The following NFIB variants were observed in gnomAD, a reference collection of about 807,000 sequenced individuals.
The protein encoded by NFIB is nuclear factor 1 B-type.
NFIB carries 11 observed loss-of-function variants against 61.5 expected under a neutral mutation model. That is an observed-to-expected ratio of 0.18 (90% CI 0.11 to 0.30). NFIB has a LOEUF of 0.30. Ranked by LOEUF, NFIB falls within the 10% of genes least tolerant of loss-of-function variation. NFIB has a pLI of 1.00. For synonymous variants in NFIB, 260 were observed against 216.5 expected (o/e 1.20, Z -1.76); for missense variants, 471 against 608.9 (o/e 0.77, Z 2.38).
chr9:14,346,389 G>A (rs748960325), intron 1 of NFIB, among the ~76,000 whole-genome samples: 12 of 151,086 alleles, frequency 7.9e-5, no homozygotes, highest in Non-Finnish European at 1.2e-4. Flanking sequence ...ACGTGTGATA[G>A]GAGCCGTCTG....
At chr9:14,473,865 C>T in the NFIB span, among the ~76,000 whole-genome samples, 2 of 152,136 alleles carry the variant, frequency 1.3e-5, no homozygotes, top group East Asian at 3.9e-4. Flanking sequence ...TTCCAACATA[C>T]AAATGCATGG....
intron 10 of NFIB, among the ~76,000 whole-genome samples, chr9:14,101,983 GA>G (rs933671226): frequency 6.6e-6 from 1 of 151,964 alleles, no homozygotes; most frequent in South Asian, 2.1e-4. Flanking sequence ...TACAACAGGG[GA>G]AAAAAATGAA....
chr9:14,234,354 T>A (rs2053519700), intron 2 of NFIB, among the ~76,000 whole-genome samples: 1 of 149,012 alleles, frequency 6.7e-6, no homozygotes, highest in African/African-American at 2.5e-5. Context: ...AGGAGGCATG[T>A]AGGTATATTA....
chr9:14,361,331 G>A (rs2132945363), intron 1 of NFIB: 1 of 151,252 alleles, frequency 6.6e-6, no homozygotes, highest in Non-Finnish European at 1.5e-5. Context: ...TAATGCTGAT[G>A]TCACTGGCAT....
chr9:14,215,134 T>TCCTCGCTTATTC, intron 2 of NFIB, among the ~76,000 whole-genome samples: 2 of 151,378 alleles, frequency 1.3e-5, no homozygotes, highest in African/African-American at 4.9e-5. Flanking sequence ...AGCTCAACAA[T>TCCTCGCTTATTC]TGGGTGCTTA....
chr9:14,386,881 G>C (rs1201924536), intron 1 of NFIB, among the ~76,000 whole-genome samples: 1 of 152,170 alleles, frequency 6.6e-6, no homozygotes, highest in Non-Finnish European at 1.5e-5. Flanking sequence ...GGGTTCCACA[G>C]ACAAATATGT....
At chr9:14,424,631 T>C in the NFIB span, among the ~76,000 whole-genome samples, 1 of 152,134 alleles carries the variant, frequency 6.6e-6, no homozygotes, top group South Asian at 2.1e-4. Flanking sequence ...AAGAGTTTAA[T>C]TTTCTTCCCC....
chr9:14,518,175 A>G, the NFIB span, among the ~76,000 whole-genome samples: 1 of 152,254 alleles, frequency 6.6e-6, no homozygotes. Context: ...CTAAATGATA[A>G]GACATTCGCA....
exon 1 of NFIB, chr9:14,398,734 G>A: frequency 1.4e-6 from 1 of 740,126 alleles, no homozygotes; most frequent in Non-Finnish European, 2.1e-6. Flanking sequence ...AGCAAACGCA[G>A]CTTCATAGGA....
chr9:14,449,948 T>C, the NFIB span, among the ~76,000 whole-genome samples: 3 of 151,818 alleles, frequency 2.0e-5, no homozygotes, highest in East Asian at 5.8e-4. Flanking sequence ...TAAAAATAAA[T>C]AAATAAATAA....
At chr9:14,493,650 T>C in the NFIB span, among the ~76,000 whole-genome samples, 1 of 152,216 alleles carries the variant, frequency 6.6e-6, no homozygotes, top group East Asian at 1.9e-4. Flanking sequence ...TAGGTGTCCA[T>C]AACTGTTTCT....
the NFIB span, among the ~76,000 whole-genome samples, chr9:14,518,070 A>G: frequency 1.3e-5 from 2 of 152,254 alleles, no homozygotes; most frequent in East Asian, 1.9e-4. Context: ...ATACACTATA[A>G]AAAATTTTGA....
chr9:14,363,035 G>C (rs776676022), intron 1 of NFIB: 5 of 152,058 alleles, frequency 3.3e-5, no homozygotes, highest in Non-Finnish European at 7.4e-5. Context: ...TTTTATATTT[G>C]TAATTTTACA....
At chr9:14,237,258 C>T (rs1408196145) in intron 2 of NFIB, among the ~76,000 whole-genome samples, 1 of 152,156 alleles carries the variant, frequency 6.6e-6, no homozygotes, top group Non-Finnish European at 1.5e-5. Flanking sequence ...CTAAAACTTC[C>T]AATGCTCTCT....
the NFIB span, among the ~76,000 whole-genome samples, chr9:14,525,626 A>T: frequency 6.6e-6 from 1 of 152,168 alleles, no homozygotes; most frequent in African/African-American, 2.4e-5. Context: ...AATTAAGCTA[A>T]TGTGTAACAT....
At chr9:14,105,429 T>C (rs1452967690) in intron 10 of NFIB, among the ~76,000 whole-genome samples, 1 of 152,204 alleles carries the variant, frequency 6.6e-6, no homozygotes, top group African/African-American at 2.4e-5. Flanking sequence ...TCTGTTTAGA[T>C]TGTGCACTAC....
At chr9:14,282,278 G>A (rs1041448745) in intron 2 of NFIB, among the ~76,000 whole-genome samples, 1 of 152,048 alleles carries the variant, frequency 6.6e-6, no homozygotes, top group African/African-American at 2.4e-5. Context: ...GTAAAAGTCA[G>A]TCTTCTCCTC....
intron 1 of NFIB, among the ~76,000 whole-genome samples, chr9:14,393,470 C>G (rs962362077): frequency 1.3e-5 from 2 of 152,180 alleles, no homozygotes; most frequent in African/African-American, 4.8e-5. Flanking sequence ...CAGTCCTATA[C>G]TGAAGGTTTC....
At chr9:14,457,355 G>A in the NFIB span, among the ~76,000 whole-genome samples, 8 of 151,940 alleles carry the variant, frequency 5.3e-5, no homozygotes, top group Non-Finnish European at 8.8e-5. Flanking sequence ...ACGAGTTGAT[G>A]TCAACACCCT....
Sources: allele counts gnomAD v4.1 joint callset (sites outside exome capture counted in the v4.1 genomes callset), GRCh38; gene constraint gnomAD v4.1.1; transcripts MANE v1.5; gene names NCBI Gene and HGNC (gene_info 2026-07-23, HGNC 2026-07-21).